Variants in GFOD1 observed in about 807,000 individuals in gnomAD.
GFOD1 encodes glucose-fructose oxidoreductase domain-containing protein 1.
In GFOD1, 9 loss-of-function variants were observed where a neutral mutation model predicts 25.4. That is an observed-to-expected ratio of 0.35 (90% CI 0.21 to 0.62). The LOEUF is 0.62. Among genes scored for constraint, GFOD1 ranks in the 20% least tolerant of loss-of-function variants. The pLI is 0.72. For synonymous variants in GFOD1, 253 were observed against 245.6 expected (o/e 1.03, Z -0.28); for missense variants, 403 against 556.9 (o/e 0.72, Z 2.78).
At chr6:13,486,320 C>G in intron 1 of GFOD1, 1 of 380,552 alleles carries the variant, frequency 2.6e-6, no homozygotes, top group East Asian at 6.2e-5. Flanking sequence ...TCTCGCGGAG[C>G]ACCCTATCCC....
intron 1 of GFOD1, among the ~76,000 whole-genome samples, chr6:13,396,397 C>T (rs554629117): frequency 2.0e-5 from 3 of 152,262 alleles, no homozygotes; most frequent in African/African-American, 7.2e-5. Flanking sequence ...TCAAAGTAAG[C>T]GCCACACTGA....
chr6:13,364,853 G>A lies in GFOD1; in HGVS notation c.1063C>T (p.Gln355Ter). Residue 355 changes from glutamine (Q) to a stop codon, truncating the protein, a stop_gained, in exon 2 of 2, where the codon CAG (glutamine) becomes TAG (stop). Coordinates refer to ENST00000379287, the MANE Select transcript of GFOD1 (RefSeq NM_018988.4). LOFTEE classifies it high-confidence loss of function. This position sits in a 1 kb window ranked among gnomAD's most constrained non-coding sequence, Gnocchi z 4.1. ...GCAATGTTCTGCCACTCGCCCGTCT[G>A]GCTGGACCTCTTGATGGTGTCCACC... is the stretch of plus-strand genomic sequence containing the variant. ...CVVDTIKRSSQTGEWQNIAIM... is the reference protein window; with the variant it reads ...CVVDTIKRSS 1 of 1,614,040 alleles carries A rather than the reference G, an allele frequency of 6.2e-7. No homozygotes were observed. Among genetic ancestry groups the A allele is most frequent in the Non-Finnish European group, 8.5e-7 (1 of 1,180,042 alleles).
intron 1 of GFOD1, among the ~76,000 whole-genome samples, chr6:13,477,407 GA>G (rs1178604071): frequency 1.3e-5 from 2 of 152,054 alleles, no homozygotes; most frequent in African/African-American, 4.8e-5. Context: ...TCTGGAGGCA[GA>G]AATCCTTCTC....
At chr6:13,379,174 A>G (rs913238900) in intron 1 of GFOD1, among the ~76,000 whole-genome samples, 2 of 152,188 alleles carry the variant, frequency 1.3e-5, no homozygotes, top group African/African-American at 4.8e-5. Context: ...CTACAGTGCA[A>G]TAATTGAGTG....
chr6:13,406,965 C>A (rs1040439925), intron 1 of GFOD1, among the ~76,000 whole-genome samples: 1 of 152,234 alleles, frequency 6.6e-6, no homozygotes, highest in African/African-American at 2.4e-5. Flanking sequence ...TAAAAAACTC[C>A]ATTTCCCAGT....
intron 1 of GFOD1, among the ~76,000 whole-genome samples, chr6:13,366,693 T>C (rs2127554872): frequency 6.6e-6 from 1 of 152,096 alleles, no homozygotes; most frequent in Admixed American, 6.5e-5. Flanking sequence ...AGGGGTCTCC[T>C]TATATTGTTC....
chr6:13,470,287 A>AGGC (rs765259862), intron 1 of GFOD1: 1 of 1,588,130 alleles, frequency 6.3e-7, no homozygotes, highest in South Asian at 1.2e-5. Flanking sequence ...CCATGCCAGC[A>AGGC]GGCTGTGGCT....
chr6:13,415,804 A>G (rs987893551), intron 1 of GFOD1, among the ~76,000 whole-genome samples: 5 of 152,240 alleles, frequency 3.3e-5, no homozygotes, highest in Admixed American at 2.6e-4. Context: ...ATTATTATCT[A>G]TATGGCTATG....
At chr6:13,392,081 T>C (rs981713654) in intron 1 of GFOD1, among the ~76,000 whole-genome samples, 1 of 152,118 alleles carries the variant, frequency 6.6e-6, no homozygotes, top group Non-Finnish European at 1.5e-5. Context: ...AGCTGCTTCC[T>C]AGGCTGGGTG....
At chr6:13,452,550 G>A (rs1204048875) in intron 1 of GFOD1, among the ~76,000 whole-genome samples, 3 of 152,142 alleles carry the variant, frequency 2.0e-5, no homozygotes, top group Non-Finnish European at 2.9e-5. Context: ...GTTTACAGGG[G>A]GCGCCTTCTC....
At chr6:13,411,353 G>A (rs754589519) in intron 1 of GFOD1, among the ~76,000 whole-genome samples, 8 of 152,078 alleles carry the variant, frequency 5.3e-5, no homozygotes, top group Non-Finnish European at 7.4e-5. Flanking sequence ...GTGCAGTGGC[G>A]CGATACCGGC....
In GFOD1 at chr6:13,486,639, T is replaced by G. The variant is rs769340795; in HGVS notation, c.252A>C (p.Leu84=). 12 of 1,613,794 alleles carry G rather than the reference T, an allele frequency of 7.4e-6. No homozygotes were observed. The South Asian group carries it at 1.2e-4, about 16-fold the overall frequency. Residue 84 remains leucine, a splice_region_variant and synonymous_variant, in exon 1 of 2, where the codon CTA becomes CTC. Coordinates refer to ENST00000379287, the MANE Select transcript of GFOD1 (RefSeq NM_018988.4). ...GGATGCGGGGTAGGGGTCGCTCACC[T>G]AGGGTTTTGACAGCGATCTGTCTGG... The part of the protein sequence containing the change: ...PLTRQIAVKT[L]GIGKNVICDR...
In GFOD1 at chr6:13,362,460, T is replaced by C. The variant is rs1784961731; in HGVS notation, c.*2283A>G. The C allele has an allele frequency of 9.2e-6, 1 of 108,620 alleles. No individual in the cohort carries two copies. Among genetic ancestry groups the C allele is most frequent in the Non-Finnish European group, 1.8e-5 (1 of 55,666 alleles). 6.7% of individuals were successfully genotyped at this position (108,620 alleles called of 1,614,324 possible). A position where few individuals can be genotyped will look rare whatever the true frequency, so the allele number is the denominator to read the frequency against. Reference sequence around the variant, plus strand: ...TTGGGTGACAGAGCGAGACTCCATTTCAAAAAAAAAAAAAAAAAAAGAAGA... The same window carrying C: ...TTGGGTGACAGAGCGAGACTCCATTCCAAAAAAAAAAAAAAAAAAAGAAGA... On this transcript the variant is annotated 3_prime_UTR_variant, in exon 2 of 2. Coordinates refer to ENST00000379287, the MANE Select transcript of GFOD1 (RefSeq NM_018988.4).
intron 1 of GFOD1, chr6:13,407,857 T>G: frequency 2.0e-6 from 1 of 512,084 alleles, no homozygotes; most frequent in Non-Finnish European, 2.5e-6. Context: ...ATGTAGACGG[T>G]GATGAAATAA....
At chr6:13,441,295 T>C (rs1287721140) in intron 1 of GFOD1, among the ~76,000 whole-genome samples, 2 of 152,200 alleles carry the variant, frequency 1.3e-5, no homozygotes, top group African/African-American at 2.4e-5. Context: ...GCTCTGACTT[T>C]TCTTCTTTCT....
At chr6:13,483,357 A>C (rs1758796347) in intron 1 of GFOD1, among the ~76,000 whole-genome samples, 1 of 152,216 alleles carries the variant, frequency 6.6e-6, no homozygotes, top group East Asian at 1.9e-4. Context: ...AGGAAACCCC[A>C]GCAGGGTGGG....
chr6:13,438,780 C>A lies in GFOD1; in HGVS notation c.253+47858G>T, dbSNP rs369423515. Among the ~76,000 whole-genome samples the A allele has an allele frequency of 6.6e-5, 10 of 152,224 alleles. No individual in the cohort carries two copies. In the South Asian group the frequency reaches 1.2e-3, roughly 19 times the overall value. Reference sequence around the variant, plus strand: ...CTGAGGTCTGAAGTCCATACCCCAGCCCAGTGGTGAACATCCTAGCACTAA... The same window carrying A: ...CTGAGGTCTGAAGTCCATACCCCAGACCAGTGGTGAACATCCTAGCACTAA... On this transcript the variant is annotated intron_variant, in intron 1 of 1. Transcript: ENST00000379287.
chr6:13,377,296 T>C (rs1785275102), intron 1 of GFOD1, among the ~76,000 whole-genome samples: 1 of 152,212 alleles, frequency 6.6e-6, no homozygotes, highest in South Asian at 2.1e-4. Context: ...AACACCCATT[T>C]ACTGCTTTTC....
At chr6:13,389,437 A>G (rs567239335) in intron 1 of GFOD1, among the ~76,000 whole-genome samples, 4 of 152,366 alleles carry the variant, frequency 2.6e-5, no homozygotes, top group East Asian at 1.9e-4. Context: ...GCAGCCATAA[A>G]AAAGGATGAG....
Sources: allele counts gnomAD v4.1 joint callset (sites outside exome capture counted in the v4.1 genomes callset), GRCh38; gene constraint gnomAD v4.1.1; non-coding constraint Gnocchi (gnomAD v3.1); transcripts MANE v1.5; gene names NCBI Gene and HGNC (gene_info 2026-07-23, HGNC 2026-07-21).